The following AGBL1 variants were observed in gnomAD, a reference collection of about 807,000 sequenced individuals.
AGBL1 encodes the protein cytosolic carboxypeptidase 4.
A neutral mutation model predicts 118.9 loss-of-function variants in AGBL1; 130 were observed. That is an observed-to-expected ratio of 1.09 (90% CI 0.95 to 1.26). AGBL1 has a LOEUF of 1.26. Among genes scored for constraint, AGBL1 ranks in the 50% most tolerant of loss-of-function variants. The pLI is 0.00. For missense variants in AGBL1, 1,584 were observed against 1,298.1 expected (o/e 1.22, Z -3.38); for synonymous variants, 555 against 478.9 (o/e 1.16, Z -2.08).
intron 1 of AGBL1, among the ~76,000 whole-genome samples, chr15:86,128,376 C>A (rs1255888874): frequency 6.6e-6 from 1 of 152,150 alleles, no homozygotes; most frequent in Non-Finnish European, 1.5e-5. Context: ...CTGGCCCTGC[C>A]CTTGACAGGT....
chr15:86,290,721 G>C (rs979643980), intron 16 of AGBL1, among the ~76,000 whole-genome samples: 3 of 151,166 alleles, frequency 2.0e-5, no homozygotes, highest in Admixed American at 1.3e-4. Flanking sequence ...TTAAGTTTTA[G>C]GGTACACGTG....
intron 18 of AGBL1, among the ~76,000 whole-genome samples, chr15:86,495,329 C>T (rs532227452): frequency 7.0e-4 from 105 of 150,704 alleles, no homozygotes; most frequent in African/African-American, 2.4e-3. Context: ...ACTCTAATGT[C>T]GTTTTTTTCC....
chr15:86,321,614 C>CA (rs556094157), intron 17 of AGBL1, among the ~76,000 whole-genome samples: 6,357 of 135,272 alleles, frequency 0.047, 160 homozygotes, highest in Middle Eastern at 0.088. Context: ...ATTAAAAATA[C>CA]AAAAAAAAAA....
intron 23 of AGBL1, among the ~76,000 whole-genome samples, chr15:86,924,971 G>A (rs1836438256): frequency 6.6e-6 from 1 of 151,664 alleles, no homozygotes; most frequent in Admixed American, 6.6e-5. Context: ...GCATGGTGGT[G>A]GGCACCTGTA....
At chr15:86,161,953 C>T (rs1328597898) in intron 5 of AGBL1, among the ~76,000 whole-genome samples, 1 of 152,204 alleles carries the variant, frequency 6.6e-6, no homozygotes, top group Admixed American at 6.5e-5. Flanking sequence ...TGTGTAAAGA[C>T]ATCGTGTGCT....
chr15:86,087,274 G>C (rs1025593044), intron 1 of AGBL1, among the ~76,000 whole-genome samples: 2 of 150,614 alleles, frequency 1.3e-5, no homozygotes, highest in Admixed American at 6.6e-5. Context: ...TTCTGAAACA[G>C]CTTCTGCAAG....
At chr15:86,956,179 G>A (rs547550757) in intron 23 of AGBL1, among the ~76,000 whole-genome samples, 1 of 151,374 alleles carries the variant, frequency 6.6e-6, no homozygotes, top group Non-Finnish European at 1.5e-5. Flanking sequence ...AAACAGAACC[G>A]GTAGGATTTA....
In AGBL1 at chr15:86,693,000, C is replaced by T. The variant is rs183488925; in HGVS notation, c.3158+18564C>T. 3.9e-3 allele frequency among the ~76,000 whole-genome samples: 592 copies of T among 152,122 alleles called. 7 individuals carry two copies. Among genetic ancestry groups the T allele is most frequent in the South Asian group, 0.019 (94 of 4,822 alleles). ...ATAGATATATCACAATTTCTTCATC[C>T]TCTTGTTGATTGATAGGCTTTTGAG... On this transcript the variant is annotated intron_variant, in intron 22 of 22. Coordinates refer to ENST00000614907, the MANE Select transcript of AGBL1 (RefSeq NM_001386094.1).
chr15:86,551,671 T>C (rs2083664725), intron 20 of AGBL1, among the ~76,000 whole-genome samples: 1 of 152,024 alleles, frequency 6.6e-6, no homozygotes. Context: ...TTTCAGAAAA[T>C]AGAGGAGAAA....
chr15:87,013,858 G>A (rs1024947409), intron 24 of AGBL1, among the ~76,000 whole-genome samples: 2 of 152,120 alleles, frequency 1.3e-5, no homozygotes, highest in African/African-American at 2.4e-5. Flanking sequence ...AGCAGCATGG[G>A]GTAGCAGGGA....
intron 5 of AGBL1, among the ~76,000 whole-genome samples, chr15:86,220,751 C>G (rs867341153): frequency 6.6e-6 from 1 of 152,160 alleles, no homozygotes; most frequent in African/African-American, 2.4e-5. Flanking sequence ...TGAAATGATT[C>G]TTTCATTGAT....
intron 22 of AGBL1, among the ~76,000 whole-genome samples, chr15:86,817,720 C>T (rs539798450): frequency 3.2e-4 from 49 of 151,576 alleles, no homozygotes; most frequent in African/African-American, 1.1e-3. Context: ...AATTGTGGTC[C>T]TCCAAAAGAT....
chr15:86,398,176 A>G (rs2081395154), intron 18 of AGBL1, among the ~76,000 whole-genome samples: 1 of 152,120 alleles, frequency 6.6e-6, no homozygotes, highest in Admixed American at 6.5e-5. Flanking sequence ...CCCTTACAGA[A>G]CTCTTCGAAA....
At chr15:86,437,886 T>C (rs2082017480) in intron 18 of AGBL1, among the ~76,000 whole-genome samples, 1 of 151,910 alleles carries the variant, frequency 6.6e-6, no homozygotes, top group Admixed American at 6.6e-5. Context: ...TAAGCCTCAG[T>C]TTTCTTTTTT....
chr15:86,536,256 A>C (rs79606811), intron 19 of AGBL1, among the ~76,000 whole-genome samples: 4,391 of 152,276 alleles, frequency 0.029, 126 homozygotes, highest in African/African-American at 0.08. Flanking sequence ...CTTGCTCTCA[A>C]CAGTGTCTTC....
At chr15:86,518,910 T>A (rs1433897027) in intron 18 of AGBL1, among the ~76,000 whole-genome samples, 1 of 151,258 alleles carries the variant, frequency 6.6e-6, no homozygotes, top group Non-Finnish European at 1.5e-5. Context: ...AAACTGGATA[T>A]CTGAGCATCC....
chr15:86,383,293 A>C (rs2141964709), intron 17 of AGBL1, among the ~76,000 whole-genome samples: 1 of 149,184 alleles, frequency 6.7e-6, no homozygotes, highest in African/African-American at 2.5e-5. Flanking sequence ...TGCTTATCTT[A>C]AGTATTTCAC....
At chr15:86,816,773 GGGT>G (rs1160804568) in intron 22 of AGBL1, among the ~76,000 whole-genome samples, 3 of 152,138 alleles carry the variant, frequency 2.0e-5, no homozygotes, top group Non-Finnish European at 4.4e-5. Flanking sequence ...AGAGGTAAGT[GGGT>G]GTAAATGACA....
Position 86,154,558 on chromosome 15 carries a change from A to G in AGBL1, c.391A>G (p.Ser131Gly), listed in dbSNP as rs372376267. 1 of 1,606,574 alleles carries G rather than the reference A, an allele frequency of 6.2e-7. No individual in the cohort carries two copies. Among genetic ancestry groups the G allele is most frequent in the Non-Finnish European group, 8.5e-7 (1 of 1,176,094 alleles). The change falls in exon 4 of 23, where the codon AGT becomes GGT. Residue 131 changes from serine (S) to glycine (G), a missense_variant. Transcript: ENST00000614907. ...CTGGGCTCTGCGTGTGTTTGCCTCC[A>G]GTGGTAAGTGACTCTATTGTGGCTC... ...CLWALRVFAS[S>G]VSMGAMLGIN...
Sources: allele counts gnomAD v4.1 joint callset (sites outside exome capture counted in the v4.1 genomes callset), GRCh38; gene constraint gnomAD v4.1.1; transcripts MANE v1.5; gene names NCBI Gene and HGNC (gene_info 2026-07-23, HGNC 2026-07-21).